Variants in DAGLA observed in about 807,000 individuals in gnomAD.
DAGLA encodes diacylglycerol lipase alpha, also known as diacylglycerol lipase-alpha.
A neutral mutation model predicts 102.6 loss-of-function variants in DAGLA; 22 were observed. That is an observed-to-expected ratio of 0.21 (90% CI 0.15 to 0.31). The LOEUF (loss-of-function observed/expected upper bound fraction) is 0.31, where lower values mean the gene tolerates loss of function less well. Ranked by LOEUF, DAGLA falls within the 10% of genes least tolerant of loss-of-function variation. The pLI is 1.00. For missense variants in DAGLA, 927 were observed against 1,446.6 expected, an observed-to-expected ratio of 0.64 and a Z score of 5.83; for synonymous variants, 578 against 628.9, an observed-to-expected ratio of 0.92 and a Z score of 1.21.
intron 1 of DAGLA, among the ~76,000 whole-genome samples, chr11:61,718,031 A>G (rs1381160938): frequency 2.6e-5 from 4 of 152,082 alleles, no homozygotes; most frequent in African/African-American, 4.8e-5. Flanking sequence ...GAGGAGTGTT[A>G]GCTATCCTGG....
intron 1 of DAGLA, among the ~76,000 whole-genome samples, chr11:61,702,936 C>A (rs536310685): frequency 2.0e-4 from 31 of 152,338 alleles, no homozygotes; most frequent in Non-Finnish European, 3.8e-4. Flanking sequence ...CCTGCCTCGC[C>A]CACAGCGTGG....
At chr11:61,742,611 G>A (rs1261753086) in intron 19 of DAGLA, among the ~76,000 whole-genome samples, 1 of 152,200 alleles carries the variant, frequency 6.6e-6, no homozygotes, top group Non-Finnish European at 1.5e-5. Flanking sequence ...GAGGGCTGCG[G>A]CCCATGGGAG....
intron 1 of DAGLA, among the ~76,000 whole-genome samples, chr11:61,716,378 G>A (rs1203121262): frequency 6.6e-6 from 1 of 152,186 alleles, no homozygotes. Context: ...AAGAGGAGGT[G>A]ACTTTTAGCT....
chr11:61,725,910 C>T, intron 5 of DAGLA, 85 bp from the exon 6 acceptor site: 1 of 1,268,272 alleles, frequency 7.9e-7, no homozygotes, highest in Non-Finnish European at 1.1e-6. Context: ...CTGGGAACAG[C>T]CTGCCCTGTT....
Position 61,744,382 on chromosome 11 carries a change from C to T in DAGLA, c.3022C>T (p.Leu1008Phe). The T allele has an allele frequency of 6.2e-7, 1 of 1,611,582 alleles. No homozygotes were observed. Among genetic ancestry groups the T allele is most frequent in the East Asian group, 2.2e-5 (1 of 44,810 alleles). ...GELMDLTPTG[L>F]SSQECLAADK... ...GCTCATGGACCTGACGCCCACGGGC[C>T]TCAGTAGCCAGGAATGCCTGGCGGC... Residue 1008 changes from leucine (L) to phenylalanine (F), a missense_variant, in exon 20 of 20, where the codon CTC becomes TTC. Coordinates refer to ENST00000257215, the MANE Select transcript of DAGLA (RefSeq NM_006133.3).
chr11:61,723,418 C>G lies in DAGLA; in HGVS notation c.410-16C>G. ...CCCCAGCGCCCCTACCTAATGCCTC[C>G]CACTGCTGCCCGCAGGAATGGTTGT... On this transcript the variant is annotated splice_polypyrimidine_tract_variant and intron_variant, in intron 4 of 19. Transcript: ENST00000257215. The G allele has an allele frequency of 6.2e-7, 1 of 1,608,496 alleles. No individual in the cohort carries two copies. Among genetic ancestry groups the G allele is most frequent in the Non-Finnish European group, 8.5e-7 (1 of 1,175,288 alleles).
chr11:61,684,200 G>A lies in DAGLA; in HGVS notation c.-45+3696G>A, dbSNP rs1489472293. The stretch of plus-strand genomic sequence containing the variant: ...AACCTCAGTGTTTAATCACCTGTTG[G>A]CCCATCACTCTGTGATTTCAATTTC... On this transcript the variant is annotated intron_variant, in intron 1 of 19. Transcript: ENST00000257215. The surrounding 1 kb of genome is among the most constrained non-coding windows in gnomAD (Gnocchi z 4.5). Among the ~76,000 whole-genome samples, 2 of 152,176 alleles carry A rather than the reference G, an allele frequency of 1.3e-5. No individual in the cohort carries two copies. The highest frequency in any genetic ancestry group is 4.8e-5 in the African/African-American group (2 of 41,440).
At chr11:61,725,297 C>T (rs1395862873) in intron 5 of DAGLA, among the ~76,000 whole-genome samples, 1 of 152,142 alleles carries the variant, frequency 6.6e-6, no homozygotes, top group Non-Finnish European at 1.5e-5. Context: ...CCTTTGGGTA[C>T]AGACTCCTGG....
In DAGLA at chr11:61,737,335, T is replaced by A; in HGVS notation, c.1514+11T>A. ...AGGGGGCCTGCTGAGGTGAGCCATC[T>A]GGGGCTTCAGAGTTGGCTGGGGCAG... On this transcript the variant is annotated intron_variant, in intron 14 of 19. Transcript: ENST00000257215. 1 of 1,609,378 alleles carries A rather than the reference T, an allele frequency of 6.2e-7. No individual in the cohort carries two copies. The highest frequency in any genetic ancestry group is 1.3e-5 in the African/African-American group (1 of 75,072).
chr11:61,703,455 G>A (rs1271081328), intron 1 of DAGLA, among the ~76,000 whole-genome samples: 1 of 151,144 alleles, frequency 6.6e-6, no homozygotes, highest in East Asian at 2.0e-4. Flanking sequence ...GGGTGGGGTT[G>A]GGGTTCTCTC....
At chr11:61,740,067 C>T (rs753131400) in intron 17 of DAGLA, among the ~76,000 whole-genome samples, 29 of 152,230 alleles carry the variant, frequency 1.9e-4, no homozygotes, top group Non-Finnish European at 3.7e-4. Flanking sequence ...GTGGGGGCTG[C>T]GCCAGGAGAG....
intron 8 of DAGLA, 81 bp from the exon 9 acceptor site, chr11:61,731,213 GCCAGGGGTTGGGTCCGCAGGCTC>G: frequency 6.9e-7 from 1 of 1,441,806 alleles, no homozygotes; most frequent in Non-Finnish European, 9.4e-7. Flanking sequence ...ACCCCTCCCT[GCCAGGGGTTGGGTCCGCAGGCTC>G]CCACCCTGGG....
At chr11:61,727,937 G>T (rs2065343186) in intron 6 of DAGLA, among the ~76,000 whole-genome samples, 1 of 152,176 alleles carries the variant, frequency 6.6e-6, no homozygotes, top group Non-Finnish European at 1.5e-5. Context: ...GGTGGCTACT[G>T]CCAGGTCTAG....
chr11:61,688,604 C>T (rs1375037625), intron 1 of DAGLA, among the ~76,000 whole-genome samples: 4 of 152,174 alleles, frequency 2.6e-5, no homozygotes, highest in Admixed American at 6.5e-5. Context: ...GGAGGCGGTC[C>T]CTCCCACTCT....
chr11:61,741,575 C>T (rs1484786439), intron 19 of DAGLA, among the ~76,000 whole-genome samples: 3 of 151,234 alleles, frequency 2.0e-5, no homozygotes, highest in African/African-American at 4.9e-5. Flanking sequence ...CACAGACCCA[C>T]AAACCCTGGG....
chr11:61,735,423 C>T (rs184599923), intron 10 of DAGLA, 138 bp from the exon 11 acceptor site: 25 of 733,898 alleles, frequency 3.4e-5, no homozygotes, highest in Non-Finnish European at 5.0e-5. Flanking sequence ...CCTGGGAGCC[C>T]GTCAGCCTTT....
chr11:61,731,477 C>T, intron 9 of DAGLA, 36 bp downstream of exon 9: 1 of 1,609,120 alleles, frequency 6.2e-7, no homozygotes, highest in Admixed American at 1.7e-5. Context: ...GCGATTGCAC[C>T]TCTCCTCCCG....
At chr11:61,713,106 TCA>T (rs1430516136) in intron 1 of DAGLA, among the ~76,000 whole-genome samples, 1 of 152,200 alleles carries the variant, frequency 6.6e-6, no homozygotes, top group Non-Finnish European at 1.5e-5. Context: ...TCCCCTGGGC[TCA>T]GTTTTCCTCA....
chr11:61,730,921 C>T (rs1280342812), intron 8 of DAGLA, among the ~76,000 whole-genome samples: 1 of 152,204 alleles, frequency 6.6e-6, no homozygotes, highest in Non-Finnish European at 1.5e-5. Context: ...CCTCTCAGGG[C>T]TACATTTTCC....
Sources: gnomAD v4.1 joint callset for allele counts (sites outside exome capture counted in the v4.1 genomes callset) on GRCh38, gnomAD v4.1.1 for gene constraint, Gnocchi (gnomAD v3.1) non-coding constraint, MANE v1.5 for transcripts, NCBI Gene and HGNC (gene_info 2026-07-23, HGNC 2026-07-21) for gene names.